Variants in IPCEF1 observed in about 807,000 individuals in gnomAD.
IPCEF1 encodes the protein interactor protein for cytohesin exchange factors 1.
A neutral mutation model predicts 50.9 loss-of-function variants in IPCEF1; 31 were observed. The observed-to-expected ratio is 0.61, with a 90% CI of 0.46 to 0.82. IPCEF1 has a LOEUF of 0.82. IPCEF1 is among the 40% of genes least tolerant of loss of function. IPCEF1 has a pLI of 0.00. For missense variants in IPCEF1, 458 were observed against 514.0 expected (o/e 0.89, Z 1.05); for synonymous variants, 181 against 192.0 (o/e 0.94, Z 0.47).
At chr6:154,242,071 T>G (rs1780642772) in intron 5 of IPCEF1, among the ~76,000 whole-genome samples, 1 of 152,236 alleles carries the variant, frequency 6.6e-6, no homozygotes, top group Non-Finnish European at 1.5e-5. Flanking sequence ...TAATAAAATC[T>G]ATCTTGCTCG....
chr6:154,225,489 C>T (rs917039504), intron 5 of IPCEF1, among the ~76,000 whole-genome samples: 1 of 152,172 alleles, frequency 6.6e-6, no homozygotes, highest in African/African-American at 2.4e-5. Flanking sequence ...AAACCAGACA[C>T]AAAAGCTCAT....
intron 5 of IPCEF1, among the ~76,000 whole-genome samples, chr6:154,228,192 A>G (rs1300185070): frequency 2.6e-5 from 4 of 151,856 alleles, no homozygotes; most frequent in Non-Finnish European, 5.9e-5. Flanking sequence ...GCAGCCAAGC[A>G]GGGTGGCTCA....
rs542568554 is a variant in IPCEF1 at position 154,263,398 on chromosome 6, C to G, written c.36+2514G>C. ...CTAGGCAGAGGACCCTGCGGCCTTC[C>G]GCAGTGTTTGTGTCCCTGGGTACTT... is the stretch of plus-strand genomic sequence containing the variant. On this transcript the variant is annotated intron_variant, in intron 3 of 11. Coordinates refer to ENST00000367220, the MANE Select transcript of IPCEF1 (RefSeq NM_001130700.2). 2.1e-3 allele frequency among the ~76,000 whole-genome samples: 287 copies of G among 139,198 alleles called. 3 individuals carry two copies. Among genetic ancestry groups the G allele is most frequent in the African/African-American group, 7.5e-3 (279 of 37,130 alleles). 91.3% of individuals were successfully genotyped at this position (139,198 alleles called of 152,430 possible).
chr6:154,176,551 A>G (rs1800348541), intron 10 of IPCEF1, among the ~76,000 whole-genome samples: 1 of 152,216 alleles, frequency 6.6e-6, no homozygotes, highest in African/African-American at 2.4e-5. Flanking sequence ...CCAAATCATG[A>G]GTGAACTCCC....
At chr6:154,298,212 T>TA (rs892515617) in intron 1 of IPCEF1, among the ~76,000 whole-genome samples, 48 of 151,424 alleles carry the variant, frequency 3.2e-4, no homozygotes, top group Admixed American at 1.9e-3. Context: ...CACTGTTAGT[T>TA]AAAAAAAAAT....
chr6:154,200,131 C>T (rs1263328757), intron 9 of IPCEF1, 91 bp from the exon 10 acceptor site: 28 of 1,192,516 alleles, frequency 2.3e-5, no homozygotes, highest in African/African-American at 7.7e-5. Context: ...ACGGTGTCCC[C>T]GTGTTATTTC....
chr6:154,262,498 T>G (rs972459808), intron 3 of IPCEF1, among the ~76,000 whole-genome samples: 1 of 152,192 alleles, frequency 6.6e-6, no homozygotes, highest in African/African-American at 2.4e-5. Context: ...TCAGGATAGG[T>G]AAGGGTAGGT....
chr6:154,216,083 T>G (rs1261968167), intron 7 of IPCEF1, among the ~76,000 whole-genome samples: 2 of 152,138 alleles, frequency 1.3e-5, no homozygotes, highest in Non-Finnish European at 2.9e-5. Context: ...TATTAAAAAT[T>G]TAAATATCCA....
intron 1 of IPCEF1, among the ~76,000 whole-genome samples, chr6:154,352,076 T>C (rs1784128786): frequency 6.6e-6 from 1 of 151,906 alleles, no homozygotes; most frequent in African/African-American, 2.4e-5. Context: ...CAAACCACCA[T>C]GGCACACATT....
intron 1 of IPCEF1, among the ~76,000 whole-genome samples, chr6:154,343,804 T>G (rs144898876): frequency 2.6e-4 from 39 of 152,328 alleles, no homozygotes; most frequent in Middle Eastern, 3.4e-3. Context: ...AGCCCGGCTC[T>G]TAGAACTGGG....
intron 2 of IPCEF1, among the ~76,000 whole-genome samples, chr6:154,266,585 T>TATATATACAC (rs71021035): frequency 1.5e-5 from 2 of 135,704 alleles, no homozygotes; most frequent in South Asian, 2.3e-4. Context: ...TATATATATA[T>TATATATACAC]ACACACAAAC....
At position 154,155,879 on chromosome 6, in the gene IPCEF1, A is replaced by G. The variant is rs558351992; in HGVS notation, c.*3949T>C. On this transcript the variant is annotated 3_prime_UTR_variant, in exon 12 of 12. Transcript: ENST00000367220. ...TAGCACTTCTTTTCAAAAGACTTAA[A>G]AATATTTTTTCTTTGAATCTGTTTC... 6.6e-6 allele frequency: 1 copy of G among 152,364 alleles called. No homozygotes were observed. The highest frequency in any genetic ancestry group is 2.1e-4 in the South Asian group (1 of 4,824). 9.4% of individuals were successfully genotyped at this position (152,364 alleles called of 1,614,324 possible).
chr6:154,349,320 T>G (rs1019926265), intron 1 of IPCEF1, among the ~76,000 whole-genome samples: 2 of 151,770 alleles, frequency 1.3e-5, no homozygotes, highest in Non-Finnish European at 2.9e-5. Flanking sequence ...ATCTCCTGAG[T>G]AGCTGAGACT....
intron 2 of IPCEF1, among the ~76,000 whole-genome samples, chr6:154,274,328 T>C (rs1309388231): frequency 1.3e-5 from 2 of 152,190 alleles, no homozygotes; most frequent in African/African-American, 4.8e-5. Context: ...CAATCCATCA[T>C]CTGTGGAGAC....
At chr6:154,235,308 A>G (rs1780027523) in intron 5 of IPCEF1, among the ~76,000 whole-genome samples, 1 of 152,252 alleles carries the variant, frequency 6.6e-6, no homozygotes, top group African/African-American at 2.4e-5. Context: ...AGGCGGGCAG[A>G]TCACCTGAGG....
intron 1 of IPCEF1, among the ~76,000 whole-genome samples, chr6:154,310,716 G>C (rs566474742): frequency 1.1e-4 from 16 of 152,280 alleles, no homozygotes; most frequent in African/African-American, 3.6e-4. Flanking sequence ...GGATGGAATT[G>C]AAGGACATTA....
rs34187257 is a variant in IPCEF1, at chr6:154,266,560, C to CTATATATATATATA, written c.-17-610_-17-597dup. ...TATATGATTTACACACTTAATATTACTATATATATATATATATATATATAT... is the reference window on the plus strand; with the variant it reads ...TATATGATTTACACACTTAATATTACTATATATATATATATATATATATATATATATATATATAT... On this transcript the variant is annotated intron_variant, in intron 2 of 11. Coordinates refer to ENST00000367220, the MANE Select transcript of IPCEF1 (RefSeq NM_001130700.2). Among the ~76,000 whole-genome samples the CTATATATATATATA allele has an allele frequency of 7.9e-3, 1,058 of 134,676 alleles. 6 individuals carry two copies. Among genetic ancestry groups the CTATATATATATATA allele is most frequent in the South Asian group, 0.012 (49 of 3,922 alleles). 88.4% of individuals were successfully genotyped at this position (134,676 alleles called of 152,430 possible).
At chr6:154,223,316 A>G in intron 5 of IPCEF1, 73 bp from the exon 6 acceptor site, 1 of 1,119,204 alleles carries the variant, frequency 8.9e-7, no homozygotes, top group African/African-American at 1.5e-5. Context: ...GATCATATAC[A>G]TGGAATAGGG....
chr6:154,201,917 A>T (rs1435402013), intron 9 of IPCEF1, among the ~76,000 whole-genome samples: 1 of 152,072 alleles, frequency 6.6e-6, no homozygotes, highest in Non-Finnish European at 1.5e-5. Flanking sequence ...AAACAAAAAA[A>T]CTCCAAGGAA....
Sources: gnomAD v4.1 joint callset for allele counts (sites outside exome capture counted in the v4.1 genomes callset) on GRCh38, gnomAD v4.1.1 for gene constraint, MANE v1.5 for transcripts, NCBI Gene and HGNC (gene_info 2026-07-23, HGNC 2026-07-21) for gene names.